UTS2: variants seen among roughly 807,000 people sequenced by gnomAD.
UTS2 encodes the protein urotensin-2.
A neutral mutation model predicts 12.6 loss-of-function variants in UTS2; 10 were observed. The ratio of observed to expected loss-of-function variants is 0.80; its 90% CI spans 0.49 to 1.35. UTS2 has a LOEUF of 1.35. Among genes scored for constraint, UTS2 ranks in the 40% most tolerant of loss-of-function variants. The probability of loss-of-function intolerance (pLI) is 0.00; values close to 1 mark genes in which losing one functional copy is unlikely to be tolerated. For synonymous variants in UTS2, 52 were observed against 50.0 expected, an observed-to-expected ratio of 1.04 and a Z score of -0.17; for missense variants, 142 against 143.2, an observed-to-expected ratio of 0.99 and a Z score of 0.04.
At chr1:7,904,241 G>A in the UTS2 span, among the ~76,000 whole-genome samples, 1 of 151,722 alleles carries the variant, frequency 6.6e-6, no homozygotes, top group Non-Finnish European at 1.5e-5. Flanking sequence ...CAAGGCGGAA[G>A]GATAGCTTGA....
the UTS2 span, among the ~76,000 whole-genome samples, chr1:7,888,560 G>T: frequency 6.6e-6 from 1 of 152,128 alleles, no homozygotes; most frequent in Non-Finnish European, 1.5e-5. Context: ...GGTTTCCATT[G>T]TCTGCAGGAG....
chr1:7,851,983 T>C (rs1308659951), intron 1 of UTS2, among the ~76,000 whole-genome samples: 1 of 152,138 alleles, frequency 6.6e-6, no homozygotes, highest in Non-Finnish European at 1.5e-5. Context: ...TCAGTAAAGT[T>C]AATGCCAGTG....
chr1:7,886,013 C>T, the UTS2 span, among the ~76,000 whole-genome samples: 1 of 152,030 alleles, frequency 6.6e-6, no homozygotes, highest in Admixed American at 6.6e-5. Flanking sequence ...CTTGCCTCTC[C>T]GACGCATCGG....
chr1:7,890,606 T>C, the UTS2 span, among the ~76,000 whole-genome samples: 3 of 151,512 alleles, frequency 2.0e-5, no homozygotes, highest in Non-Finnish European at 4.4e-5. Context: ...AATTAAACAT[T>C]GACATAGAAA....
At chr1:7,873,911 CATT>C in the UTS2 span, among the ~76,000 whole-genome samples, 1 of 152,050 alleles carries the variant, frequency 6.6e-6, no homozygotes, top group African/African-American at 2.4e-5. Flanking sequence ...CAAACCTCAT[CATT>C]GTCTTATTTT....
intron 1 of UTS2, among the ~76,000 whole-genome samples, chr1:7,851,900 T>C (rs1558505586): frequency 6.6e-6 from 1 of 152,382 alleles, no homozygotes; most frequent in South Asian, 2.1e-4. Context: ...TTTTTTAAGA[T>C]GACAGTAGTA....
the UTS2 span, among the ~76,000 whole-genome samples, chr1:7,894,704 G>A: frequency 5.3e-5 from 8 of 152,106 alleles, no homozygotes; most frequent in South Asian, 2.1e-4. Context: ...AAATATGGCC[G>A]GGCGCGGTGG....
At chr1:7,902,021 T>C in the UTS2 span, among the ~76,000 whole-genome samples, 2 of 152,028 alleles carry the variant, frequency 1.3e-5, no homozygotes, top group South Asian at 2.1e-4. Context: ...TGGGAGAGAA[T>C]GACCGGGGTG....
chr1:7,889,547 G>A, the UTS2 span, among the ~76,000 whole-genome samples: 1 of 152,066 alleles, frequency 6.6e-6, no homozygotes, highest in African/African-American at 2.4e-5. Context: ...GCTCATGCCT[G>A]TAATCCCAGC....
chr1:7,853,423 G>T, upstream of UTS2: 1 of 1,613,184 alleles, frequency 6.2e-7, no homozygotes, highest in Non-Finnish European at 8.5e-7. Context: ...GAAATACGTT[G>T]GTTTCCATTT....
chr1:7,890,258 T>C, the UTS2 span, among the ~76,000 whole-genome samples: 7 of 151,962 alleles, frequency 4.6e-5, no homozygotes, highest in African/African-American at 1.7e-4. Context: ...CCCTAAAAAG[T>C]CTCCTCAGCT....
the UTS2 span, among the ~76,000 whole-genome samples, chr1:7,905,995 G>A: frequency 5.9e-5 from 9 of 152,140 alleles, no homozygotes; most frequent in East Asian, 1.5e-3. Context: ...TGGGTGGGTG[G>A]GGGTCGGGAA....
rs1225341783 is a variant in UTS2, at chr1:7,852,985, A to G, written c.19T>C (p.Cys7Arg). ...AAGAATCCTATGAAAAGCAAACAGC[A>G]GGAGGCCAGCTTATACATGATCGCC... is the stretch of plus-strand genomic sequence containing the variant. Reference protein sequence around the residue: MYKLASCCLLFIGFLNP... With the variant: MYKLASRCLLFIGFLNP... Residue 7 changes from cysteine (C) to arginine (R), a missense_variant, in exon 1 of 4, where the codon TGC becomes CGC. Transcript: ENST00000361696. 3 of 1,613,686 alleles carry G rather than the reference A, an allele frequency of 1.9e-6. No homozygotes were observed. The Admixed American group carries it at 5.0e-5, about 27-fold the overall frequency.
chr1:7,897,715 T>A, the UTS2 span, among the ~76,000 whole-genome samples: 1 of 152,050 alleles, frequency 6.6e-6, no homozygotes, highest in East Asian at 1.9e-4. Flanking sequence ...ACCTCCTGAG[T>A]AGCTGGGATT....
the UTS2 span, among the ~76,000 whole-genome samples, chr1:7,873,291 T>C: frequency 1.3e-5 from 2 of 152,366 alleles, no homozygotes; most frequent in Admixed American, 1.3e-4. Context: ...GGACTAACTT[T>C]GACTTTCAAG....
At chr1:7,891,614 A>T in the UTS2 span, among the ~76,000 whole-genome samples, 3,849 of 150,894 alleles carry the variant, frequency 0.026, 59 homozygotes, top group Non-Finnish European at 0.036. Flanking sequence ...CCAAGAGTAG[A>T]TTTTGAGTAT....
chr1:7,853,124 C>CAAA (rs34962249), upstream of UTS2: 82 of 1,276,732 alleles, frequency 6.4e-5, no homozygotes, highest in East Asian at 1.1e-4. Flanking sequence ...TCATCCTCTC[C>CAAA]AAAAAAAAAA....
At chr1:7,869,662 G>A in the UTS2 span, among the ~76,000 whole-genome samples, 2 of 152,248 alleles carry the variant, frequency 1.3e-5, no homozygotes, top group African/African-American at 4.8e-5. Flanking sequence ...GGCTGCCAAG[G>A]AGCGATGTTC....
chr1:7,887,754 T>C, the UTS2 span, among the ~76,000 whole-genome samples: 1 of 137,120 alleles, frequency 7.3e-6, no homozygotes, highest in African/African-American at 3.0e-5. Context: ...AGACCCTGTC[T>C]CTAAAAGGAA....
Sources: allele counts gnomAD v4.1 joint callset (sites outside exome capture counted in the v4.1 genomes callset), GRCh38; gene constraint gnomAD v4.1.1; transcripts MANE v1.5; gene names NCBI Gene and HGNC (gene_info 2026-07-23, HGNC 2026-07-21).